The following TMEM69 variants were observed in gnomAD, a reference collection of about 807,000 sequenced individuals.
TMEM69 encodes the protein transmembrane protein 69, also known as chromosome 1 open reading frame 154.
In TMEM69, 17 loss-of-function variants were observed where a neutral mutation model predicts 15.8. That is an observed-to-expected ratio of 1.07 (90% CI 0.73 to 1.61). The LOEUF is 1.61. Among genes scored for constraint, TMEM69 ranks in the 40% most tolerant of loss-of-function variants. TMEM69 has a pLI of 0.00. For missense variants in TMEM69, 230 were observed against 286.1 expected, an observed-to-expected ratio of 0.80 and a Z score of 1.41; for synonymous variants, 80 against 98.6, an observed-to-expected ratio of 0.81 and a Z score of 1.12.
Position 45,693,638 on chromosome 1 carries a change from C to G in TMEM69, c.477C>G (p.Tyr159Ter), listed in dbSNP as rs1645361569. 6.2e-7 allele frequency: 1 copy of G among 1,614,200 alleles called. No individual in the cohort carries two copies. The highest frequency in any genetic ancestry group is 2.2e-5 in the East Asian group (1 of 44,894). Residue 159 changes from tyrosine to a stop codon, truncating the protein, a stop_gained, in exon 3 of 3, where the codon TAC becomes TAG. Transcript: ENST00000372025. LOFTEE classifies it high-confidence loss of function. Reference protein sequence around the residue: ...LPEGSPAKPDYLNLASSAAPL... With the variant: ...LPEGSPAKPD ...AAGGTAGTCCAGCCAAACCAGACTACCTTAATTTAGCTAGCAGTGCAGCTC... is the reference window on the plus strand; with the variant it reads ...AAGGTAGTCCAGCCAAACCAGACTAGCTTAATTTAGCTAGCAGTGCAGCTC...
chr1:45,693,972 A>G lies in TMEM69; in HGVS notation c.*67A>G. 1 of 1,130,580 alleles carries G rather than the reference A, an allele frequency of 8.8e-7. No individual in the cohort carries two copies. The highest frequency in any genetic ancestry group is 2.8e-4 in the Middle Eastern group (1 of 3,612). 70.0% of individuals were successfully genotyped at this position (1,130,580 alleles called of 1,614,324 possible). On this transcript the variant is annotated 3_prime_UTR_variant, in exon 3 of 3. Transcript: ENST00000372025. ...CTGCTGCCCCGTCTGGGAAGTGAGG[A>G]GCGCCTCTGCCTGGCCGCCTGACCA...
chr1:45,689,841 A>C (rs376982416), intron 1 of TMEM69, among the ~76,000 whole-genome samples: 5 of 152,034 alleles, frequency 3.3e-5, no homozygotes, highest in African/African-American at 1.2e-4. Context: ...CCGTCTCAAA[A>C]AAAAATTGGC....
Position 45,693,196 on chromosome 1 carries a change from C to A in TMEM69, c.43-8C>A. Reference sequence around the variant, plus strand: ...TAATTTTGTCTTTTGGTTCTATTTTCTTTGTAGATACTGAAGTACTCTTTC... The same window carrying A: ...TAATTTTGTCTTTTGGTTCTATTTTATTTGTAGATACTGAAGTACTCTTTC... On this transcript the variant is annotated splice_polypyrimidine_tract_variant and splice_region_variant and intron_variant, in intron 2 of 2. Transcript: ENST00000372025. 6.4e-7 allele frequency: 1 copy of A among 1,561,544 alleles called. No individual in the cohort carries two copies. The highest frequency in any genetic ancestry group is 8.7e-7 in the Non-Finnish European group (1 of 1,153,878).
rs1268581092 is a variant in TMEM69, at chr1:45,693,722, C to CA, written c.562dup (p.Thr188AsnfsTer13). On this transcript the variant is annotated frameshift_variant, in exon 3 of 3. Coordinates refer to ENST00000372025, the MANE Select transcript of TMEM69 (RefSeq NM_016486.4). LOFTEE classifies it high-confidence loss of function. ...CTGAAAGACTTAGTGAAGCCATAGT[C>CA]ACAGTAATAATGGGTATGGGAGTAG... 1 of 1,614,034 alleles carries CA rather than the reference C, an allele frequency of 6.2e-7. No individual in the cohort carries two copies. The highest frequency in any genetic ancestry group is 1.3e-5 in the African/African-American group (1 of 74,912).
Position 45,694,018 on chromosome 1 carries a change from C to T in TMEM69, c.*113C>T, listed in dbSNP as rs1645364736. ...GACCATCTGGGAAGTGTGACAAGCGCCTCTGCCCGGCCGCTGTGCAACCTT... is the reference window on the plus strand; with the variant it reads ...GACCATCTGGGAAGTGTGACAAGCGTCTCTGCCCGGCCGCTGTGCAACCTT... On this transcript the variant is annotated 3_prime_UTR_variant, in exon 3 of 3. Transcript: ENST00000372025. 3.0e-6 allele frequency: 2 copies of T among 669,052 alleles called. No individual in the cohort carries two copies. The highest frequency in any genetic ancestry group is 2.8e-5 in the East Asian group (1 of 35,716). 41.4% of individuals were successfully genotyped at this position (669,052 alleles called of 1,614,324 possible). A position where few individuals can be genotyped will look rare whatever the true frequency, so the allele number is the denominator to read the frequency against.
In TMEM69 at chr1:45,693,852, G is replaced by C. The variant is rs1557732698; in HGVS notation, c.691G>C (p.Val231Leu). ...CACTTTTTCATTTATAATCACTTTA[G>C]TAGTTAAAAGTAGTTTTCCAGAAAA... Reference protein sequence around the residue: ...LATFSFIITLVVKSSFPEKGH... With the variant: ...LATFSFIITLLVKSSFPEKGH... The change falls in exon 3 of 3, where the codon GTA (valine) becomes CTA (leucine). Residue 231 changes from valine to leucine, a missense_variant. Transcript: ENST00000372025. The C allele has an allele frequency of 1.9e-6, 3 of 1,612,048 alleles. No individual in the cohort carries two copies. In the Admixed American group the frequency reaches 5.0e-5, roughly 27 times the overall value.
intron 1 of TMEM69, among the ~76,000 whole-genome samples, chr1:45,689,947 AG>A (rs1645333269): frequency 6.6e-6 from 1 of 152,116 alleles, no homozygotes; most frequent in Admixed American, 6.5e-5. Context: ...GACAGCGGAG[AG>A]CACGCCACTG....
chr1:45,690,635 G>T (rs988802091), intron 1 of TMEM69, among the ~76,000 whole-genome samples: 3 of 150,124 alleles, frequency 2.0e-5, no homozygotes, highest in Admixed American at 6.6e-5. Flanking sequence ...GTTTTGTTTT[G>T]GTTTTTTTTT....
Position 45,694,113 on chromosome 1 carries a change from A to G in TMEM69, c.*208A>G, listed in dbSNP as rs1049661762. 2.0e-5 allele frequency: 8 copies of G among 403,522 alleles called. No homozygotes were observed. The highest frequency in any genetic ancestry group is 4.1e-5 in the Admixed American group (1 of 24,240). The allele number at this position is 403,522 out of a possible 1,614,324, so 25.0% of individuals were successfully genotyped here. On this transcript the variant is annotated 3_prime_UTR_variant, in exon 3 of 3. Transcript: ENST00000372025. ...CCCAAGTTTGCATTTTCGACATTAA[A>G]GTTTACTTTTTAGTTAAAAGTTTTA...
Position 45,693,296 on chromosome 1 carries a change from TCCAAGG to T in TMEM69, c.138_143del (p.Arg47_Pro48del), listed in dbSNP as rs1269892974. The T allele has an allele frequency of 1.2e-6, 2 of 1,614,084 alleles. No homozygotes were observed. Among genetic ancestry groups the T allele is most frequent in the East Asian group, 4.5e-5 (2 of 44,904 alleles). On this transcript the variant is annotated inframe_deletion, in exon 3 of 3. Coordinates refer to ENST00000372025, the MANE Select transcript of TMEM69 (RefSeq NM_016486.4). The stretch of plus-strand genomic sequence containing the variant: ...CTCTCCAGCAAAACTTTTCCCCATG[TCCAAGG>T]CCTTGGCTTTCCTCATCATTTCCAG...
chr1:45,688,361 G>A (rs912968089), intron 1 of TMEM69, 86 bp downstream of exon 1: 1 of 152,154 alleles, frequency 6.6e-6, no homozygotes, highest in Non-Finnish European at 1.5e-5. Flanking sequence ...GTAGTAAATT[G>A]GAGACGCGGG....
At chr1:45,690,017 A>G (rs915620253) in intron 1 of TMEM69, among the ~76,000 whole-genome samples, 2 of 152,120 alleles carry the variant, frequency 1.3e-5, no homozygotes, top group African/African-American at 4.8e-5. Flanking sequence ...TGTTACATCA[A>G]CCCTATGAAT....
Position 45,690,982 on chromosome 1 carries a change from C to G in TMEM69, c.-87C>G, listed in dbSNP as rs1645341068. ...CCTTGTGTTATACACAGAAACATGCCCCTGATTCAGTGCCTCTGCTTAGCT... is the reference window on the plus strand; with the variant it reads ...CCTTGTGTTATACACAGAAACATGCGCCTGATTCAGTGCCTCTGCTTAGCT... On this transcript the variant is annotated 5_prime_UTR_variant, in exon 2 of 3. Coordinates refer to ENST00000372025, the MANE Select transcript of TMEM69 (RefSeq NM_016486.4). 1 of 1,442,910 alleles carries G rather than the reference C, an allele frequency of 6.9e-7. No homozygotes were observed. The highest frequency in any genetic ancestry group is 9.7e-7 in the Non-Finnish European group (1 of 1,027,956). 89.4% of individuals were successfully genotyped at this position (1,442,910 alleles called of 1,614,324 possible). A position where few individuals can be genotyped will look rare whatever the true frequency, so the allele number is the denominator to read the frequency against.
intron 2 of TMEM69, among the ~76,000 whole-genome samples, chr1:45,692,684 G>C (rs1645352388): frequency 6.6e-6 from 1 of 152,188 alleles, no homozygotes; most frequent in African/African-American, 2.4e-5. Flanking sequence ...AAGTTTCCTA[G>C]ATAGGAAAGT....
chr1:45,693,136 A>T, intron 2 of TMEM69, 68 bp from the exon 3 acceptor site: 1 of 1,190,818 alleles, frequency 8.4e-7, no homozygotes, highest in Non-Finnish European at 1.2e-6. Flanking sequence ...TCATACTGGG[A>T]TTGACTAAAA....
chr1:45,694,250 T>C lies in TMEM69; in HGVS notation c.*345T>C, dbSNP rs1324871743. The C allele has an allele frequency of 1.7e-6, 1 of 573,220 alleles. No homozygotes were observed. The highest frequency in any genetic ancestry group is 1.9e-5 in the African/African-American group (1 of 52,844). 35.5% of individuals were successfully genotyped at this position (573,220 alleles called of 1,614,324 possible). A position where few individuals can be genotyped will look rare whatever the true frequency, so the allele number is the denominator to read the frequency against. ...ACCAATGGTAATTTATCTTCACAGA[T>C]TGTTCTTCATTTCTAGAAATTGTTA... is the stretch of plus-strand genomic sequence containing the variant. On this transcript the variant is annotated 3_prime_UTR_variant, in exon 3 of 3. Transcript: ENST00000372025.
intron 1 of TMEM69, among the ~76,000 whole-genome samples, chr1:45,689,094 G>A (rs965259183): frequency 4.6e-5 from 7 of 151,518 alleles, no homozygotes; most frequent in Non-Finnish European, 1.0e-4. Flanking sequence ...TAGTAGAGAC[G>A]GGGGGGAGGT....
At chr1:45,690,618 C>T (rs1645338466) in intron 1 of TMEM69, among the ~76,000 whole-genome samples, 1 of 152,022 alleles carries the variant, frequency 6.6e-6, no homozygotes, top group Admixed American at 6.6e-5. Context: ...GAAGCTATGA[C>T]CTTCCAGTTT....
chr1:45,693,462 A>C lies in TMEM69; in HGVS notation c.301A>C (p.Thr101Pro). 1 of 1,614,082 alleles carries C rather than the reference A, an allele frequency of 6.2e-7. No homozygotes were observed. The highest frequency in any genetic ancestry group is 8.5e-7 in the Non-Finnish European group (1 of 1,180,012). ...TDSPKPALCV[T>P]LAGLIPFVAP... ...CAGCCCAAAGCCAGCATTATGTGTAACTCTGGCAGGACTAATCCCCTTCGT... is the reference window on the plus strand; with the variant it reads ...CAGCCCAAAGCCAGCATTATGTGTACCTCTGGCAGGACTAATCCCCTTCGT... The change falls in exon 3 of 3, where the codon ACT (threonine) becomes CCT (proline). Residue 101 changes from threonine (T) to proline (P), a missense_variant. Transcript: ENST00000372025.
Sources: allele counts gnomAD v4.1 joint callset (sites outside exome capture counted in the v4.1 genomes callset), GRCh38; gene constraint gnomAD v4.1.1; transcripts MANE v1.5; gene names NCBI Gene and HGNC (gene_info 2026-07-23, HGNC 2026-07-21).